The following DIP2C variants were observed in gnomAD, a reference collection of about 807,000 sequenced individuals.
The protein encoded by DIP2C is disco-interacting protein 2 homolog C.
A neutral mutation model predicts 192.4 loss-of-function variants in DIP2C; 33 were observed. The ratio of observed to expected loss-of-function variants is 0.17; its 90% CI spans 0.13 to 0.23. DIP2C has a LOEUF of 0.23. Ranked by LOEUF, DIP2C falls within the 10% of genes least tolerant of loss-of-function variation. The probability of loss-of-function intolerance (pLI) is 1.00; values close to 1 mark genes in which losing one functional copy is unlikely to be tolerated. For synonymous variants in DIP2C, 979 were observed against 864.1 expected (o/e 1.13, Z -2.33); for missense variants, 1,537 against 2,110.1 (o/e 0.73, Z 5.32).
intron 1 of DIP2C, among the ~76,000 whole-genome samples, chr10:563,029 T>G (rs913500461): frequency 3.9e-5 from 6 of 152,230 alleles, no homozygotes; most frequent in African/African-American, 1.4e-4. Flanking sequence ...CTTGAAGGCT[T>G]TTCTCACCTA....
At chr10:441,779 C>A (rs553760570) in intron 3 of DIP2C, among the ~76,000 whole-genome samples, 1 of 152,190 alleles carries the variant, frequency 6.6e-6, no homozygotes, top group African/African-American at 2.4e-5. Context: ...TGGACTAATA[C>A]AACCATTAAC....
chr10:524,190 G>A (rs1846911069), intron 1 of DIP2C, among the ~76,000 whole-genome samples: 1 of 152,188 alleles, frequency 6.6e-6, no homozygotes, highest in Non-Finnish European at 1.5e-5. Context: ...TGGAACTGGA[G>A]GCAGCCTGGA....
At chr10:364,980 C>A (rs187418485) in intron 19 of DIP2C, 1 of 534,354 alleles carries the variant, frequency 1.9e-6, no homozygotes, top group South Asian at 1.4e-5. Context: ...AAAGTAATCT[C>A]TCTTCATTCA....
chr10:657,921 G>C (rs1404072346), intron 1 of DIP2C, among the ~76,000 whole-genome samples: 1 of 151,894 alleles, frequency 6.6e-6, no homozygotes, highest in African/African-American at 2.4e-5. Flanking sequence ...CACTGGACCT[G>C]TCCCTGGACC....
chr10:461,993 G>C (rs990182947), intron 3 of DIP2C, among the ~76,000 whole-genome samples: 3 of 152,040 alleles, frequency 2.0e-5, no homozygotes, highest in Admixed American at 2.0e-4. Context: ...GAGAACAAAA[G>C]ACAATGTACC....
At chr10:507,911 G>GAA (rs1445840842) in intron 1 of DIP2C, among the ~76,000 whole-genome samples, 2 of 152,206 alleles carry the variant, frequency 1.3e-5, no homozygotes, top group African/African-American at 4.8e-5. Context: ...TTAAAAGACA[G>GAA]GAGAAGACTT....
intron 1 of DIP2C, chr10:663,126 C>T: frequency 1.9e-6 from 1 of 524,350 alleles, no homozygotes. Flanking sequence ...ATCCCTGGGG[C>T]AGCCCTACCT....
intron 32 of DIP2C, among the ~76,000 whole-genome samples, chr10:291,486 C>T (rs752739977): frequency 2.0e-5 from 3 of 152,154 alleles, no homozygotes; most frequent in East Asian, 1.9e-4. Context: ...AAAGCTACCC[C>T]GTATCTAAGG....
At chr10:587,438 C>G (rs977590326) in intron 1 of DIP2C, among the ~76,000 whole-genome samples, 1 of 152,220 alleles carries the variant, frequency 6.6e-6, no homozygotes, top group Non-Finnish European at 1.5e-5. Context: ...GGAGGCCACA[C>G]TGCCATAGGT....
chr10:500,020 G>A (rs969248510), intron 1 of DIP2C, among the ~76,000 whole-genome samples: 1 of 152,206 alleles, frequency 6.6e-6, no homozygotes, highest in Non-Finnish European at 1.5e-5. Flanking sequence ...GATTTTGAAG[G>A]CAGACAGGGC....
At position 309,740 on chromosome 10, in the gene DIP2C, G is replaced by A. The variant is rs147908780; in HGVS notation, c.3986+291C>T. The stretch of plus-strand genomic sequence containing the variant: ...AACCTGGGTAATTTTTAGTGGAGAC[G>A]GGGCTTTACCATGTTGCCCAGGCTG... On this transcript the variant is annotated intron_variant, in intron 32 of 36. Coordinates refer to ENST00000280886, the MANE Select transcript of DIP2C (RefSeq NM_014974.3). 1.5e-3 allele frequency among the ~76,000 whole-genome samples: 234 copies of A among 152,046 alleles called. 1 individual carries two copies. Among genetic ancestry groups the A allele is most frequent in the African/African-American group, 5.5e-3 (229 of 41,490 alleles).
At chr10:369,750 C>T (rs1411816515) in intron 17 of DIP2C, 117 bp from the exon 18 acceptor site, 2 of 1,547,304 alleles carry the variant, frequency 1.3e-6, no homozygotes, top group East Asian at 4.5e-5. Flanking sequence ...GCTGGCACCC[C>T]AGGCACAGTG....
rs144395468 is a variant in DIP2C, at chr10:290,772, G to A, written c.3987-2351C>T. On this transcript the variant is annotated intron_variant, in intron 32 of 36. Coordinates refer to ENST00000280886, the MANE Select transcript of DIP2C (RefSeq NM_014974.3). ...GCATCCTACAAAGGCCAGGTGACCAGCCAAGGAGTGAAACTCAGCCAAAAC... is the reference window on the plus strand; with the variant it reads ...GCATCCTACAAAGGCCAGGTGACCAACCAAGGAGTGAAACTCAGCCAAAAC... 2.6e-3 allele frequency among the ~76,000 whole-genome samples: 394 copies of A among 152,340 alleles called. 1 individual carries two copies. Among genetic ancestry groups the A allele is most frequent in the Non-Finnish European group, 3.3e-3 (227 of 68,036 alleles).
At chr10:469,933 G>A (rs977536465) in intron 3 of DIP2C, among the ~76,000 whole-genome samples, 3 of 152,164 alleles carry the variant, frequency 2.0e-5, no homozygotes, top group African/African-American at 4.8e-5. Flanking sequence ...TGGCCTACAC[G>A]AATGAACAGA....
At chr10:582,975 C>T (rs1458174997) in intron 1 of DIP2C, among the ~76,000 whole-genome samples, 1 of 152,210 alleles carries the variant, frequency 6.6e-6, no homozygotes, top group African/African-American at 2.4e-5. Context: ...GACTAATTTT[C>T]TCCATAAACA....
intron 1 of DIP2C, among the ~76,000 whole-genome samples, chr10:546,969 CTA>C (rs752135554): frequency 6.6e-6 from 1 of 152,306 alleles, no homozygotes; most frequent in African/African-American, 2.4e-5. Flanking sequence ...CTGCAAATAC[CTA>C]TCTCTTAAGT....
At chr10:556,608 T>C (rs1289879335) in intron 1 of DIP2C, among the ~76,000 whole-genome samples, 1 of 151,582 alleles carries the variant, frequency 6.6e-6, no homozygotes, top group East Asian at 2.0e-4. Context: ...TATAGACACA[T>C]GAAACAAACC....
At chr10:285,303 G>A (rs1348399382) in intron 34 of DIP2C, among the ~76,000 whole-genome samples, 8 of 152,206 alleles carry the variant, frequency 5.3e-5, no homozygotes, top group Admixed American at 6.5e-5. Flanking sequence ...GGGCTGAGGA[G>A]GAGGAGGGCT....
At chr10:444,634 C>T (rs758155139) in intron 3 of DIP2C, among the ~76,000 whole-genome samples, 6 of 151,736 alleles carry the variant, frequency 4.0e-5, no homozygotes, top group East Asian at 1.9e-4. Flanking sequence ...TGTTCCTTGG[C>T]GCTATTCCGT....
Sources: allele counts gnomAD v4.1 joint callset (sites outside exome capture counted in the v4.1 genomes callset), GRCh38; gene constraint gnomAD v4.1.1; transcripts MANE v1.5; gene names NCBI Gene and HGNC (gene_info 2026-07-23, HGNC 2026-07-21).